TENM4: variants seen among roughly 807,000 people sequenced by gnomAD.
TENM4 encodes teneurin-4.
Under a neutral mutation model 243.3 loss-of-function variants are expected in TENM4, and 82 were observed. That is an observed-to-expected ratio of 0.34 (90% CI 0.28 to 0.40). TENM4 has a LOEUF of 0.40. Among genes scored for constraint, TENM4 ranks in the 10% least tolerant of loss-of-function variants. TENM4 has a pLI of 1.00. For missense variants in TENM4, 3,138 were observed against 3,673.3 expected (o/e 0.85, Z 3.77); for synonymous variants, 1,412 against 1,456.3 (o/e 0.97, Z 0.69).
chr11:78,880,457 TAAAAA>T (rs71763484), intron 9 of TENM4, among the ~76,000 whole-genome samples: 19 of 104,596 alleles, frequency 1.8e-4, no homozygotes, highest in African/African-American at 6.8e-4. Context: ...CAATAAATAC[TAAAAA>T]AAAAAAAAAA....
chr11:79,232,977 T>C (rs746107437), intron 2 of TENM4, among the ~76,000 whole-genome samples: 37 of 152,196 alleles, frequency 2.4e-4, no homozygotes, highest in Non-Finnish European at 3.5e-4. Flanking sequence ...ACTTCATGGT[T>C]TGGTCTCTGC....
intron 1 of TENM4, among the ~76,000 whole-genome samples, chr11:79,378,716 G>A (rs1590923650): frequency 1.3e-5 from 2 of 152,030 alleles, no homozygotes; most frequent in East Asian, 3.9e-4. Context: ...GTAAAATATG[G>A]ATAATAGAAA....
chr11:78,838,788 C>A (rs1459521534), intron 12 of TENM4, among the ~76,000 whole-genome samples: 1 of 152,136 alleles, frequency 6.6e-6, no homozygotes, highest in Non-Finnish European at 1.5e-5. Flanking sequence ...AGCCATAAAC[C>A]TGTAGTTTTA....
chr11:79,268,253 C>A (rs575102900), intron 2 of TENM4, among the ~76,000 whole-genome samples: 2 of 152,292 alleles, frequency 1.3e-5, no homozygotes, highest in East Asian at 1.9e-4. Flanking sequence ...TCTGTTGCAA[C>A]TACTCAGCTC....
intron 4 of TENM4, among the ~76,000 whole-genome samples, chr11:79,078,788 A>G (rs1860592642): frequency 6.6e-6 from 1 of 152,166 alleles, no homozygotes; most frequent in Admixed American, 6.5e-5. Flanking sequence ...TCCCAAAACC[A>G]TCCCCATTTT....
chr11:79,014,608 C>T (rs1312995243), intron 6 of TENM4: 3 of 152,240 alleles, frequency 2.0e-5, no homozygotes, highest in Non-Finnish European at 2.9e-5. Context: ...TCTTCATGCA[C>T]AGAGGCCACC....
Position 78,701,963 on chromosome 11 carries a change from G to C in TENM4, c.4650C>G (p.Leu1550=), listed in dbSNP as rs767132122. The change falls in exon 28 of 34, where the codon CTC becomes CTG. Residue 1550 remains leucine, a synonymous_variant. Coordinates refer to ENST00000278550, the MANE Select transcript of TENM4 (RefSeq NM_001098816.3). ...GGATGTTCCCAAGGTCGGCCACGTA[G>C]AGCTCCCCATCAGCACACACAGCCA... The part of the protein sequence containing the change: ...SSLAVCADGE[L]YVADLGNIRI... The C allele has an allele frequency of 6.2e-7, 1 of 1,614,022 alleles. No individual in the cohort carries two copies. The highest frequency in any genetic ancestry group is 1.1e-5 in the South Asian group (1 of 91,078).
At chr11:78,803,174 T>C (rs1225262783) in intron 15 of TENM4, among the ~76,000 whole-genome samples, 2 of 151,944 alleles carry the variant, frequency 1.3e-5, no homozygotes, top group African/African-American at 4.8e-5. Context: ...GGATTACAGA[T>C]GCTTGTCATT....
chr11:79,414,852 C>T (rs1371086258), intron 1 of TENM4, among the ~76,000 whole-genome samples: 1 of 152,194 alleles, frequency 6.6e-6, no homozygotes. Flanking sequence ...TCCTGAGCTC[C>T]TTGAACCTAA....
intron 2 of TENM4, among the ~76,000 whole-genome samples, chr11:79,284,699 T>A (rs577022783): frequency 6.6e-6 from 1 of 152,264 alleles, no homozygotes; most frequent in South Asian, 2.1e-4. Context: ...TGTAGATACA[T>A]TGGACTCTTT....
chr11:78,802,770 C>T (rs548744558), intron 15 of TENM4, among the ~76,000 whole-genome samples: 1 of 152,308 alleles, frequency 6.6e-6, no homozygotes, highest in African/African-American at 2.4e-5. Flanking sequence ...ACTCAACAAA[C>T]GCCAATTGTT....
intron 1 of TENM4, among the ~76,000 whole-genome samples, chr11:79,309,430 G>A (rs1856682150): frequency 6.6e-6 from 1 of 152,120 alleles, no homozygotes; most frequent in African/African-American, 2.4e-5. Flanking sequence ...TAGCCACCAA[G>A]GCCTCCCAGA....
At chr11:78,920,128 ACT>A (rs1856417261) in intron 6 of TENM4, among the ~76,000 whole-genome samples, 1 of 151,928 alleles carries the variant, frequency 6.6e-6, no homozygotes, top group Non-Finnish European at 1.5e-5. Flanking sequence ...AGCAGGAATC[ACT>A]CTCTCAAACC....
chr11:78,928,532 C>T (rs1195244735), intron 6 of TENM4, among the ~76,000 whole-genome samples: 1 of 152,196 alleles, frequency 6.6e-6, no homozygotes, highest in Non-Finnish European at 1.5e-5. Context: ...CACAAGAACT[C>T]ACTATATAAT....
intron 6 of TENM4, among the ~76,000 whole-genome samples, chr11:78,946,112 A>T (rs1856997490): frequency 6.6e-6 from 1 of 152,248 alleles, no homozygotes; most frequent in Non-Finnish European, 1.5e-5. Context: ...CTTCTATTGG[A>T]AGAAGATGTC....
At chr11:78,809,422 A>G (rs1219418014) in intron 14 of TENM4, among the ~76,000 whole-genome samples, 1 of 152,206 alleles carries the variant, frequency 6.6e-6, no homozygotes, top group Non-Finnish European at 1.5e-5. Context: ...CTGGGCAGAC[A>G]CTGTCCTTGT....
At chr11:78,896,900 C>G (rs941085738) in intron 7 of TENM4, among the ~76,000 whole-genome samples, 1 of 152,146 alleles carries the variant, frequency 6.6e-6, no homozygotes, top group Non-Finnish European at 1.5e-5. Context: ...TGACTACCTA[C>G]ATGCGCAGAA....
In TENM4 at chr11:78,669,016, G is replaced by A. The variant is rs370706930; in HGVS notation, c.7329C>T (p.Asn2443=). The change falls in exon 32 of 34, where the codon AAC becomes AAT. Residue 2443 remains asparagine (N), a synonymous_variant. Transcript: ENST00000278550. The surrounding 1 kb of genome is among the most constrained non-coding windows in gnomAD (Gnocchi z 6.4). ...ACATATAGAGATTAAAAGGCATGAC[G>A]TTGCTGCTACTAAGGTGCTTCCACA... The part of the protein sequence containing the change: ...HELWKHLSSS[N]VMPFNLYMFK... The A allele has an allele frequency of 1.9e-5, 30 of 1,613,858 alleles. No individual in the cohort carries two copies. The highest frequency in any genetic ancestry group is 2.4e-5 in the Non-Finnish European group (28 of 1,179,900).
At chr11:79,369,223 C>G (rs1857734346) in intron 1 of TENM4, among the ~76,000 whole-genome samples, 1 of 152,152 alleles carries the variant, frequency 6.6e-6, no homozygotes, top group South Asian at 2.1e-4. Context: ...CAACGAGTCT[C>G]AGAGGTTTCC....
Sources: allele counts gnomAD v4.1 joint callset (sites outside exome capture counted in the v4.1 genomes callset), GRCh38; gene constraint gnomAD v4.1.1; non-coding constraint Gnocchi (gnomAD v3.1); transcripts MANE v1.5; gene names NCBI Gene and HGNC (gene_info 2026-07-23, HGNC 2026-07-21).